Variants in CAMK2D observed in about 807,000 individuals in gnomAD.
The protein encoded by CAMK2D is calcium/calmodulin-dependent protein kinase type II subunit delta.
A neutral mutation model predicts 84.0 loss-of-function variants in CAMK2D; 37 were observed. The observed-to-expected ratio is 0.44, with a 90% CI of 0.34 to 0.58. The LOEUF (loss-of-function observed/expected upper bound fraction) is 0.58, where lower values mean the gene tolerates loss of function less well. CAMK2D is among the 20% of genes least tolerant of loss of function. The pLI, the probability that CAMK2D is intolerant of heterozygous loss-of-function variation, is 0.02. For synonymous variants in CAMK2D, 202 were observed against 212.5 expected (o/e 0.95, Z 0.43); for missense variants, 448 against 652.5 (o/e 0.69, Z 3.41).
intron 4 of CAMK2D, among the ~76,000 whole-genome samples, chr4:113,566,512 C>G (rs182511141): frequency 6.6e-6 from 1 of 152,144 alleles, no homozygotes; most frequent in Non-Finnish European, 1.5e-5. Context: ...TTCATATTTC[C>G]GATCTTTAAA....
chr4:113,557,119 T>C (rs534718580), intron 4 of CAMK2D, among the ~76,000 whole-genome samples: 2 of 152,230 alleles, frequency 1.3e-5, no homozygotes, highest in Non-Finnish European at 2.9e-5. Flanking sequence ...AAGACTTCTA[T>C]CTCCACTACA....
chr4:113,558,072 GAA>G (rs2098677566), intron 4 of CAMK2D, among the ~76,000 whole-genome samples: 1 of 152,142 alleles, frequency 6.6e-6, no homozygotes, highest in South Asian at 2.1e-4. Context: ...GAATCTGGCT[GAA>G]AAGAGTTGGT....
At chr4:113,468,560 C>T (rs1259972269) in intron 16 of CAMK2D, among the ~76,000 whole-genome samples, 1 of 152,178 alleles carries the variant, frequency 6.6e-6, no homozygotes, top group African/African-American at 2.4e-5. Flanking sequence ...GTTGTTGGAA[C>T]TGTTGCCACA....
Position 113,457,393 on chromosome 4 carries a change from C to T in CAMK2D, c.1477G>A (p.Asp493Asn). Residue 493 changes from aspartate to asparagine, a missense_variant, in exon 19 of 21, where the codon GAT becomes AAT. Asp to Asn is a conservative substitution (Grantham distance 23). Transcript: ENST00000511664. Reference protein sequence around the residue: ...SEETRVWHRRDGKWQNVHFHR... With the variant: ...SEETRVWHRRNGKWQNVHFHR... ...AAATGAACATTCTGCCACTTTCCAT[C>T]CCGGCGGTGCCACACACGAGTCTCT... 6.2e-7 allele frequency: 1 copy of T among 1,613,808 alleles called. No individual in the cohort carries two copies. The highest frequency in any genetic ancestry group is 8.5e-7 in the Non-Finnish European group (1 of 1,179,768).
chr4:113,523,553 G>A (rs970710201), intron 8 of CAMK2D, among the ~76,000 whole-genome samples: 3 of 152,182 alleles, frequency 2.0e-5, no homozygotes, highest in Non-Finnish European at 4.4e-5. Flanking sequence ...TGGGCAGACT[G>A]CTTGAGCTCA....
intron 6 of CAMK2D, 80 bp from the exon 7 acceptor site, chr4:113,537,523 G>C: frequency 1.3e-6 from 1 of 798,888 alleles, no homozygotes; most frequent in South Asian, 1.6e-5. Flanking sequence ...ACATTTTACA[G>C]GATTAGGGGG....
At chr4:113,508,072 C>T (rs1269335421) in intron 13 of CAMK2D, among the ~76,000 whole-genome samples, 1 of 152,080 alleles carries the variant, frequency 6.6e-6, no homozygotes, top group Admixed American at 6.5e-5. Flanking sequence ...AGAGAAAAAA[C>T]AATGTAATAT....
chr4:113,735,156 T>C (rs968632035), intron 2 of CAMK2D, among the ~76,000 whole-genome samples: 2 of 151,450 alleles, frequency 1.3e-5, no homozygotes, highest in African/African-American at 2.4e-5. Flanking sequence ...TTCTGCCTTT[T>C]GCAAACTTGT....
chr4:113,732,991 T>C (rs1447591503), intron 2 of CAMK2D, among the ~76,000 whole-genome samples: 1 of 152,148 alleles, frequency 6.6e-6, no homozygotes, highest in African/African-American at 2.4e-5. Flanking sequence ...AAAATTAATT[T>C]AAATAAGTAA....
At chr4:113,604,213 G>C (rs1418772272) in intron 4 of CAMK2D, among the ~76,000 whole-genome samples, 1 of 151,946 alleles carries the variant, frequency 6.6e-6, no homozygotes, top group African/African-American at 2.4e-5. Context: ...TGGGTAAGTG[G>C]CTCTAATTTT....
chr4:113,496,888 G>C (rs1460171364), intron 16 of CAMK2D, among the ~76,000 whole-genome samples: 1 of 152,154 alleles, frequency 6.6e-6, no homozygotes, highest in East Asian at 1.9e-4. Flanking sequence ...GTCAACACTA[G>C]GGTGTCAACA....
At chr4:113,618,165 T>C (rs886679834) in intron 3 of CAMK2D, among the ~76,000 whole-genome samples, 16 of 152,206 alleles carry the variant, frequency 1.1e-4, no homozygotes, top group African/African-American at 3.4e-4. Context: ...CAAAGCTGAA[T>C]ATGATTCTCT....
intron 16 of CAMK2D, among the ~76,000 whole-genome samples, chr4:113,491,996 A>G (rs890416657): frequency 2.0e-5 from 3 of 151,942 alleles, no homozygotes; most frequent in African/African-American, 7.3e-5. Context: ...TATCCCCTTT[A>G]TCATTTTTTA....
chr4:113,754,690 T>TTA (rs1301791346), intron 2 of CAMK2D: 11 of 978,154 alleles, frequency 1.1e-5, no homozygotes, highest in East Asian at 2.3e-4. Context: ...ACTTTTTTTT[T>TTA]TTATTATTTG....
At chr4:113,663,611 T>TAAA (rs1349979341) in intron 2 of CAMK2D, among the ~76,000 whole-genome samples, 1 of 149,256 alleles carries the variant, frequency 6.7e-6, no homozygotes, top group African/African-American at 2.5e-5. Flanking sequence ...ATAATAATAA[T>TAAA]AATAATAATA....
intron 4 of CAMK2D, among the ~76,000 whole-genome samples, chr4:113,606,519 A>C (rs1188586655): frequency 6.6e-6 from 1 of 151,606 alleles, no homozygotes; most frequent in Admixed American, 6.6e-5. Flanking sequence ...ACAACAGAGG[A>C]AAGAATTAGA....
At chr4:113,760,021 A>T (rs987963518) in intron 1 of CAMK2D, among the ~76,000 whole-genome samples, 7 of 152,184 alleles carry the variant, frequency 4.6e-5, no homozygotes, top group Non-Finnish European at 2.9e-5. Context: ...TATTACTTTT[A>T]AAAATATTTA....
At chr4:113,501,172 C>G (rs1458342538) in intron 15 of CAMK2D, among the ~76,000 whole-genome samples, 1 of 152,010 alleles carries the variant, frequency 6.6e-6, no homozygotes, top group East Asian at 1.9e-4. Context: ...TAGCAACTGG[C>G]TGTTATTGAT....
At position 113,474,498 on chromosome 4, in the gene CAMK2D, CTTTTTTTTTTTTTTTTTT is replaced by C. The variant is rs70961831; in HGVS notation, c.1136-8912_1136-8895del. 3.4e-3 allele frequency among the ~76,000 whole-genome samples: 302 copies of C among 89,844 alleles called. 6 individuals carry two copies. In the East Asian group the frequency reaches 0.073, roughly 22 times the overall value. 58.9% of individuals were successfully genotyped at this position (89,844 alleles called of 152,430 possible). ...AAATATTTGGAAAGTCCTTTTTGGC[CTTTTTTTTTTTTTTTTTT>C]TTTTTTTTTGGTCATGAAAGCAATC... On this transcript the variant is annotated intron_variant, in intron 16 of 20. Coordinates refer to ENST00000511664, the MANE Select transcript of CAMK2D (RefSeq NM_001321571.2).
Sources: allele counts gnomAD v4.1 joint callset (sites outside exome capture counted in the v4.1 genomes callset), GRCh38; gene constraint gnomAD v4.1.1; transcripts MANE v1.5; gene names NCBI Gene and HGNC (gene_info 2026-07-23, HGNC 2026-07-21).